CAMKMT: variants seen among roughly 807,000 people sequenced by gnomAD.
CAMKMT encodes the protein calmodulin-lysine N-methyltransferase.
Under a neutral mutation model 48.0 loss-of-function variants are expected in CAMKMT, and 53 were observed. The ratio of observed to expected loss-of-function variants is 1.10; its 90% CI spans 0.89 to 1.39. The LOEUF (loss-of-function observed/expected upper bound fraction) is 1.39, where lower values mean the gene tolerates loss of function less well. Among genes scored for constraint, CAMKMT ranks in the 40% most tolerant of loss-of-function variants. The pLI is 0.00. For synonymous variants in CAMKMT, 165 were observed against 152.3 expected, an observed-to-expected ratio of 1.08 and a Z score of -0.61; for missense variants, 428 against 402.7, an observed-to-expected ratio of 1.06 and a Z score of -0.54.
chr2:44,372,920 C>G (rs752428308), intron 2 of CAMKMT, 32 bp downstream of exon 2: 3 of 1,536,762 alleles, frequency 2.0e-6, no homozygotes. Flanking sequence ...ATTTTGTAAA[C>G]ACTAGATTTC....
intron 3 of CAMKMT, among the ~76,000 whole-genome samples, chr2:44,552,264 A>G (rs1558697099): frequency 6.6e-6 from 1 of 152,140 alleles, no homozygotes; most frequent in Admixed American, 6.6e-5. Context: ...ATACACAATG[A>G]TATTTCGATT....
At chr2:44,620,252 C>CTATTGTCCT (rs1672103596) in intron 3 of CAMKMT, among the ~76,000 whole-genome samples, 1 of 151,886 alleles carries the variant, frequency 6.6e-6, no homozygotes, top group African/African-American at 2.4e-5. Context: ...ATCTGTTATC[C>CTATTGTCCT]TATTGTCCTT....
chr2:44,540,943 T>G (rs1327880559), intron 3 of CAMKMT, among the ~76,000 whole-genome samples: 1 of 152,258 alleles, frequency 6.6e-6, no homozygotes, highest in Non-Finnish European at 1.5e-5. Flanking sequence ...GGCTCAGCAA[T>G]TATCCTAGCA....
intron 3 of CAMKMT, among the ~76,000 whole-genome samples, chr2:44,598,224 AG>A (rs1189124850): frequency 6.6e-6 from 1 of 152,094 alleles, no homozygotes; most frequent in African/African-American, 2.4e-5. Flanking sequence ...AAATTTGGTT[AG>A]TTTAGTAAAA....
intron 3 of CAMKMT, among the ~76,000 whole-genome samples, chr2:44,596,208 G>A (rs1346741382): frequency 6.6e-6 from 1 of 152,036 alleles, no homozygotes; most frequent in Non-Finnish European, 1.5e-5. Flanking sequence ...AAGCACTTTG[G>A]GAGGACGAGG....
chr2:44,627,900 A>C (rs542032717), intron 3 of CAMKMT, among the ~76,000 whole-genome samples: 5 of 151,604 alleles, frequency 3.3e-5, no homozygotes, highest in South Asian at 4.2e-4. Flanking sequence ...GAATTTCACC[A>C]TGTTGGCCAG....
chr2:44,436,845 G>C (rs1478448419), intron 3 of CAMKMT, among the ~76,000 whole-genome samples: 1 of 152,026 alleles, frequency 6.6e-6, no homozygotes, highest in Non-Finnish European at 1.5e-5. Context: ...AGGCTTGCAA[G>C]TATTACATCT....
chr2:44,526,432 C>T (rs759976018), intron 3 of CAMKMT, among the ~76,000 whole-genome samples: 6 of 152,064 alleles, frequency 3.9e-5, no homozygotes, highest in Admixed American at 6.6e-5. Flanking sequence ...GTTATGCAGG[C>T]AGAGAAGGCA....
At chr2:44,764,977 C>A (rs1026202898) in intron 9 of CAMKMT, among the ~76,000 whole-genome samples, 1 of 152,068 alleles carries the variant, frequency 6.6e-6, no homozygotes, top group African/African-American at 2.4e-5. Context: ...AATCCCAGCA[C>A]TTTGGGAGGC....
intron 3 of CAMKMT, among the ~76,000 whole-genome samples, chr2:44,580,306 A>T (rs1039881541): frequency 1.4e-5 from 2 of 148,024 alleles, no homozygotes; most frequent in East Asian, 4.0e-4. Flanking sequence ...AAACGATAAT[A>T]ATTAAATCAA....
At chr2:44,658,932 C>T (rs1674522556) in intron 3 of CAMKMT, among the ~76,000 whole-genome samples, 1 of 152,116 alleles carries the variant, frequency 6.6e-6, no homozygotes, top group Admixed American at 6.5e-5. Flanking sequence ...AATAGGGTTT[C>T]AATACTATAG....
At chr2:44,710,179 G>A (rs1677805559) in intron 6 of CAMKMT, among the ~76,000 whole-genome samples, 1 of 151,354 alleles carries the variant, frequency 6.6e-6, no homozygotes, top group South Asian at 2.1e-4. Flanking sequence ...AGTATGTGAG[G>A]CAATGAATGG....
At position 44,576,600 on chromosome 2, in the gene CAMKMT, C is replaced by G. The variant is rs1252934728; in HGVS notation, c.377-127683C>G. Among the ~76,000 whole-genome samples the G allele has an allele frequency of 2.0e-5, 3 of 152,152 alleles. No individual in the cohort carries two copies. In the East Asian group the frequency reaches 5.8e-4, roughly 29 times the overall value. On this transcript the variant is annotated intron_variant, in intron 3 of 10. Coordinates refer to ENST00000378494, the MANE Select transcript of CAMKMT (RefSeq NM_024766.5). Reference sequence around the variant, plus strand: ...GTCCAGCGTGAATGTGATCAGTGGTCAAAGTCAATGTGATTTTGTGACTTA... The same window carrying G: ...GTCCAGCGTGAATGTGATCAGTGGTGAAAGTCAATGTGATTTTGTGACTTA...
chr2:44,560,677 G>T (rs1668276708), intron 3 of CAMKMT, among the ~76,000 whole-genome samples: 1 of 152,162 alleles, frequency 6.6e-6, no homozygotes, highest in South Asian at 2.1e-4. Flanking sequence ...GTATATTTAA[G>T]CTCTTTGGAC....
intron 3 of CAMKMT, among the ~76,000 whole-genome samples, chr2:44,690,076 A>T (rs998450643): frequency 1.3e-4 from 20 of 152,250 alleles, no homozygotes; most frequent in African/African-American, 4.1e-4. Flanking sequence ...TGAAATAGAC[A>T]TGTAATGAAG....
intron 8 of CAMKMT, among the ~76,000 whole-genome samples, chr2:44,745,680 G>A (rs1482137413): frequency 6.6e-6 from 1 of 151,808 alleles, no homozygotes; most frequent in African/African-American, 2.4e-5. Flanking sequence ...ATGCCAGAAT[G>A]TCAGCCTGTT....
chr2:44,650,495 A>G (rs1008344276), intron 3 of CAMKMT, among the ~76,000 whole-genome samples: 11 of 152,246 alleles, frequency 7.2e-5, no homozygotes, highest in East Asian at 3.8e-4. Context: ...GTATATAAAT[A>G]AGAAATGCTC....
At position 44,372,753 on chromosome 2, in the gene CAMKMT, ATGTATC is replaced by A. The variant is rs1410533682; in HGVS notation, c.181_186del (p.Ser61_Val62del). On this transcript the variant is annotated inframe_deletion, in exon 2 of 11. Transcript: ENST00000378494. The stretch of plus-strand genomic sequence containing the variant: ...AAACACCTGGATGATTGCCTGCGAC[ATGTATC>A]TGTAAGAAGATTTGAATCATTTAAT... 1 of 1,613,560 alleles carries A rather than the reference ATGTATC, an allele frequency of 6.2e-7. No individual in the cohort carries two copies. The highest frequency in any genetic ancestry group is 1.1e-5 in the South Asian group (1 of 91,000).
intron 3 of CAMKMT, among the ~76,000 whole-genome samples, chr2:44,539,846 A>G (rs576268984): frequency 6.6e-6 from 1 of 152,274 alleles, no homozygotes; most frequent in African/African-American, 2.4e-5. Flanking sequence ...AGGGAATGAC[A>G]TTGATGTGTC....
Sources: allele counts gnomAD v4.1 joint callset (sites outside exome capture counted in the v4.1 genomes callset), GRCh38; gene constraint gnomAD v4.1.1; transcripts MANE v1.5; gene names NCBI Gene and HGNC (gene_info 2026-07-23, HGNC 2026-07-21).